The following CCDC85A variants were observed in gnomAD, a reference collection of about 807,000 sequenced individuals.
CCDC85A encodes the protein coiled-coil domain-containing protein 85A.
CCDC85A carries 38 observed loss-of-function variants against 50.2 expected under a neutral mutation model. That is an observed-to-expected ratio of 0.76 (90% CI 0.58 to 0.99). The LOEUF is 0.99. CCDC85A is among the 50% of genes least tolerant of loss of function. CCDC85A has a pLI of 0.00. For missense variants in CCDC85A, 820 were observed against 742.0 expected (o/e 1.11, Z -1.22); for synonymous variants, 366 against 301.4 (o/e 1.21, Z -2.22).
At chr2:56,294,466 T>C (rs1671860598) in intron 2 of CCDC85A, among the ~76,000 whole-genome samples, 1 of 152,192 alleles carries the variant, frequency 6.6e-6, no homozygotes, top group Non-Finnish European at 1.5e-5. Context: ...AAATCAGATT[T>C]CCAAGTCATG....
intron 2 of CCDC85A, among the ~76,000 whole-genome samples, chr2:56,244,066 T>G (rs1669391851): frequency 6.6e-6 from 1 of 152,136 alleles, no homozygotes; most frequent in South Asian, 2.1e-4. Context: ...CTATAACCAC[T>G]ACCTGTCTAC....
intron 2 of CCDC85A, among the ~76,000 whole-genome samples, chr2:56,332,651 A>G (rs993217577): frequency 6.9e-5 from 10 of 145,874 alleles, no homozygotes; most frequent in African/African-American, 2.3e-4. Context: ...CTGTCTCTCT[A>G]TCTCTCTCTC....
chr2:56,362,482 G>A (rs1481112655), intron 3 of CCDC85A, among the ~76,000 whole-genome samples: 1 of 151,768 alleles, frequency 6.6e-6, no homozygotes, highest in African/African-American at 2.4e-5. Context: ...TGAATGCTGA[G>A]GGAAAAAAAA....
chr2:56,281,971 G>A (rs569927430), intron 2 of CCDC85A, among the ~76,000 whole-genome samples: 1 of 152,080 alleles, frequency 6.6e-6, no homozygotes, highest in African/African-American at 2.4e-5. Flanking sequence ...TTTGTGGTCT[G>A]TACTTGTATC....
rs1029839402 is a variant in CCDC85A at position 56,207,892 on chromosome 2, A to C, written c.1240+14452A>C. 4.6e-5 allele frequency among the ~76,000 whole-genome samples: 7 copies of C among 152,166 alleles called. No homozygotes were observed. The South Asian group carries it at 6.2e-4, about 13-fold the overall frequency. On this transcript the variant is annotated intron_variant, in intron 2 of 5. Coordinates refer to ENST00000407595, the MANE Select transcript of CCDC85A (RefSeq NM_001080433.2). The stretch of plus-strand genomic sequence containing the variant: ...CATAATATTTATATTTGAATCCACC[A>C]ACTCAGCCTTTTCCTCCATTATTCA...
intron 2 of CCDC85A, among the ~76,000 whole-genome samples, chr2:56,272,661 G>A (rs897567489): frequency 6.6e-6 from 1 of 152,160 alleles, no homozygotes; most frequent in Non-Finnish European, 1.5e-5. Flanking sequence ...CTACACAGAA[G>A]GTTCAGCACA....
chr2:56,205,933 T>C (rs1225615358), intron 2 of CCDC85A, among the ~76,000 whole-genome samples: 2 of 152,168 alleles, frequency 1.3e-5, no homozygotes, highest in Non-Finnish European at 2.9e-5. Context: ...GCTGCCGTTG[T>C]CAGGGATGGC....
intron 1 of CCDC85A, among the ~76,000 whole-genome samples, chr2:56,190,320 T>C (rs573887031): frequency 2.4e-4 from 36 of 152,302 alleles, no homozygotes; most frequent in Admixed American, 4.6e-4. Flanking sequence ...GCTGGCTCCT[T>C]GACTGTATGC....
chr2:56,271,290 T>G (rs1201775962), intron 2 of CCDC85A, among the ~76,000 whole-genome samples: 2 of 151,980 alleles, frequency 1.3e-5, no homozygotes, highest in Non-Finnish European at 2.9e-5. Flanking sequence ...AGGGGCAGGG[T>G]TGGTATATAG....
At chr2:56,247,452 G>A (rs1370615992) in intron 2 of CCDC85A, among the ~76,000 whole-genome samples, 3 of 152,128 alleles carry the variant, frequency 2.0e-5, no homozygotes, top group African/African-American at 7.2e-5. Context: ...ACTTTTCATA[G>A]GAGGTTGTTC....
chr2:56,224,163 C>T (rs574704153), intron 2 of CCDC85A, among the ~76,000 whole-genome samples: 54 of 152,272 alleles, frequency 3.5e-4, no homozygotes, highest in African/African-American at 1.3e-3. Flanking sequence ...AGTCTACTTT[C>T]TGTCTCTATC....
intron 2 of CCDC85A, among the ~76,000 whole-genome samples, chr2:56,203,531 C>T (rs1199696455): frequency 6.6e-6 from 1 of 152,152 alleles, no homozygotes; most frequent in East Asian, 1.9e-4. Context: ...TGGCCTAGCA[C>T]ATAAATCTAT....
chr2:56,293,698 GA>G (rs1671822298), intron 2 of CCDC85A, among the ~76,000 whole-genome samples: 3 of 152,038 alleles, frequency 2.0e-5, no homozygotes, highest in Admixed American at 2.0e-4. Context: ...ACAAACACAT[GA>G]AAAAAAGCTC....
At chr2:56,265,040 C>A (rs1481983793) in intron 2 of CCDC85A, among the ~76,000 whole-genome samples, 2 of 152,172 alleles carry the variant, frequency 1.3e-5, no homozygotes, top group Non-Finnish European at 2.9e-5. Flanking sequence ...TTACCTCTGC[C>A]CCTTACCTTC....
At chr2:56,198,045 A>G (rs1443399577) in intron 2 of CCDC85A, among the ~76,000 whole-genome samples, 1 of 152,136 alleles carries the variant, frequency 6.6e-6, no homozygotes, top group Non-Finnish European at 1.5e-5. Flanking sequence ...GGTTTCACCC[A>G]GAGTTTTAAG....
intron 5 of CCDC85A, among the ~76,000 whole-genome samples, chr2:56,381,010 AC>A (rs1426229563): frequency 6.6e-6 from 1 of 151,988 alleles, no homozygotes; most frequent in East Asian, 1.9e-4. Context: ...TTACGCATCA[AC>A]CTCCTCGAGG....
chr2:56,303,863 G>C (rs1455003654), intron 2 of CCDC85A, among the ~76,000 whole-genome samples: 1 of 152,156 alleles, frequency 6.6e-6, no homozygotes, highest in African/African-American at 2.4e-5. Context: ...GTTGATGTGA[G>C]TGTCTCCTAA....
At chr2:56,332,682 CT>C (rs1673873322) in intron 2 of CCDC85A, among the ~76,000 whole-genome samples, 1 of 137,256 alleles carries the variant, frequency 7.3e-6, no homozygotes, top group Non-Finnish European at 1.6e-5. Context: ...ACTGCCCCCC[CT>C]TTTCCCCCCT....
At chr2:56,234,952 G>T (rs533899082) in intron 2 of CCDC85A, among the ~76,000 whole-genome samples, 1 of 152,098 alleles carries the variant, frequency 6.6e-6, no homozygotes, top group African/African-American at 2.4e-5. Flanking sequence ...ATAAGCCTGC[G>T]TATAAATGAG....
Sources: gnomAD v4.1 joint callset for allele counts (sites outside exome capture counted in the v4.1 genomes callset) on GRCh38, gnomAD v4.1.1 for gene constraint, MANE v1.5 for transcripts, NCBI Gene and HGNC (gene_info 2026-07-23, HGNC 2026-07-21) for gene names.